MPDZ: variants seen among roughly 807,000 people sequenced by gnomAD.
The protein encoded by MPDZ is multiple PDZ domain protein.
A neutral mutation model predicts 239.1 loss-of-function variants in MPDZ; 234 were observed. That is an observed-to-expected ratio of 0.98 (90% CI 0.88 to 1.09). The LOEUF is 1.09. Among genes scored for constraint, MPDZ ranks in the 50% least tolerant of loss-of-function variants. The pLI, the probability that MPDZ is intolerant of heterozygous loss-of-function variation, is 0.00. For synonymous variants in MPDZ, 1,048 were observed against 881.3 expected (o/e 1.19, Z -3.35); for missense variants, 3,175 against 2,510.0 (o/e 1.26, Z -5.66).
rs187122785 is a variant in MPDZ, at chr9:13,238,359, C to T, written c.183+9276G>A. ...ACAGTGGGGTGACCAGCCTTCCCCTCGAACCGTGTAAACAACATCACACCT... is the reference window on the plus strand; with the variant it reads ...ACAGTGGGGTGACCAGCCTTCCCCTTGAACCGTGTAAACAACATCACACCT... On this transcript the variant is annotated intron_variant, in intron 3 of 46. Coordinates refer to ENST00000319217, the MANE Select transcript of MPDZ (RefSeq NM_001378778.1). Among the ~76,000 whole-genome samples, 331 of 152,258 alleles carry T rather than the reference C, an allele frequency of 2.2e-3. 3 individuals are homozygous for T. Among genetic ancestry groups the T allele is most frequent in the African/African-American group, 7.6e-3 (315 of 41,562 alleles).
intron 19 of MPDZ, among the ~76,000 whole-genome samples, chr9:13,181,264 T>C (rs1377874330): frequency 6.6e-6 from 1 of 152,178 alleles, no homozygotes; most frequent in African/African-American, 2.4e-5. Context: ...CTTTATAAAT[T>C]AAAAAGCCTT....
chr9:13,203,157 G>A (rs531757331), intron 12 of MPDZ, among the ~76,000 whole-genome samples: 6 of 152,172 alleles, frequency 3.9e-5, no homozygotes, highest in African/African-American at 1.4e-4. Flanking sequence ...ATTATTATAG[G>A]TCAATTAAAA....
chr9:13,228,647 AGC>A (rs1479039797), intron 3 of MPDZ, among the ~76,000 whole-genome samples: 2 of 152,152 alleles, frequency 1.3e-5, no homozygotes, highest in African/African-American at 2.4e-5. Context: ...CATAGCCATT[AGC>A]CATTGGTGTG....
intron 3 of MPDZ, among the ~76,000 whole-genome samples, chr9:13,232,584 T>C (rs1450278625): frequency 2.0e-5 from 3 of 151,846 alleles, no homozygotes; most frequent in African/African-American, 7.2e-5. Flanking sequence ...AGAAAATCTC[T>C]GTATTTTAGA....
intron 26 of MPDZ, among the ~76,000 whole-genome samples, chr9:13,143,863 A>G (rs1232464960): frequency 6.6e-6 from 1 of 152,152 alleles, no homozygotes; most frequent in African/African-American, 2.4e-5. Context: ...AGAGGCACAT[A>G]TATTTTGCCC....
intron 27 of MPDZ, among the ~76,000 whole-genome samples, chr9:13,141,798 T>TA (rs1947734296): frequency 6.6e-6 from 1 of 152,130 alleles, no homozygotes; most frequent in Non-Finnish European, 1.5e-5. Context: ...CGCTGACTGA[T>TA]AGAGATTTAA....
chr9:13,161,374 A>T (rs1163579454), intron 23 of MPDZ, among the ~76,000 whole-genome samples: 6 of 152,068 alleles, frequency 3.9e-5, no homozygotes, highest in African/African-American at 1.4e-4. Flanking sequence ...GTTCAAGACC[A>T]GCCTGGCCAA....
intron 3 of MPDZ, among the ~76,000 whole-genome samples, chr9:13,236,276 T>TATATATATATACA (rs1964013619): frequency 2.8e-5 from 1 of 36,348 alleles, no homozygotes; most frequent in Non-Finnish European, 6.6e-5. Context: ...TATTTTTTTT[T>TATATATATATACA]TTTTTTTTTT....
intron 8 of MPDZ, among the ~76,000 whole-genome samples, chr9:13,218,392 G>A (rs937313542): frequency 2.0e-5 from 3 of 151,824 alleles, no homozygotes; most frequent in Non-Finnish European, 4.4e-5. Flanking sequence ...CAGAAATGAT[G>A]ATATGCACAG....
At chr9:13,151,766 C>G (rs966643566) in intron 24 of MPDZ, among the ~76,000 whole-genome samples, 1 of 151,980 alleles carries the variant, frequency 6.6e-6, no homozygotes, top group South Asian at 2.1e-4. Flanking sequence ...CTGAACTGTA[C>G]ACTTACAAAT....
intron 16 of MPDZ, among the ~76,000 whole-genome samples, chr9:13,189,313 C>T (rs1954581079): frequency 6.6e-6 from 1 of 151,598 alleles, no homozygotes; most frequent in Non-Finnish European, 1.5e-5. Flanking sequence ...TTATTGGAGG[C>T]CAGATGTTGG....
At chr9:13,207,337 G>C (rs868637355) in intron 10 of MPDZ, among the ~76,000 whole-genome samples, 6 of 152,142 alleles carry the variant, frequency 3.9e-5, no homozygotes, top group Middle Eastern at 3.4e-3. Flanking sequence ...ACGTGGCTTA[G>C]AATGGCCTGT....
intron 42 of MPDZ, among the ~76,000 whole-genome samples, chr9:13,112,554 C>A (rs1187266224): frequency 6.6e-6 from 1 of 152,118 alleles, no homozygotes; most frequent in East Asian, 1.9e-4. Flanking sequence ...GACAACAGTG[C>A]CTCTCACAGA....
At chr9:13,176,450 G>A in intron 19 of MPDZ, 33 bp from the exon 20 acceptor site, 1 of 1,477,664 alleles carries the variant, frequency 6.8e-7, no homozygotes, top group South Asian at 1.5e-5. Flanking sequence ...AACAAAACAT[G>A]AAAAATGTGA....
chr9:13,193,095 C>T (rs1203156191), intron 14 of MPDZ, 72 bp downstream of exon 14: 3 of 1,302,052 alleles, frequency 2.3e-6, no homozygotes, highest in South Asian at 2.7e-5. Context: ...AGAATTTATT[C>T]ACCACATTAA....
intron 12 of MPDZ, among the ~76,000 whole-genome samples, chr9:13,200,830 T>C (rs1296959443): frequency 6.6e-6 from 1 of 152,036 alleles, no homozygotes; most frequent in Non-Finnish European, 1.5e-5. Flanking sequence ...TGTGACCTAA[T>C]ATATGGTCTA....
At chr9:13,268,085 C>G (rs1972151354) in intron 1 of MPDZ, among the ~76,000 whole-genome samples, 1 of 151,826 alleles carries the variant, frequency 6.6e-6, no homozygotes, top group Admixed American at 6.6e-5. Flanking sequence ...TTATTAGCAA[C>G]AGTATTAGCA....
At chr9:13,272,386 C>G (rs895754079) in intron 1 of MPDZ, among the ~76,000 whole-genome samples, 1 of 151,970 alleles carries the variant, frequency 6.6e-6, no homozygotes, top group Non-Finnish European at 1.5e-5. Context: ...TAGTCTAACC[C>G]GATATATATT....
At chr9:13,232,881 A>T (rs1172206087) in intron 3 of MPDZ, among the ~76,000 whole-genome samples, 1 of 151,304 alleles carries the variant, frequency 6.6e-6, no homozygotes, top group Non-Finnish European at 1.5e-5. Context: ...AAAAAAAAAA[A>T]ACCAGGAACT....
Sources: gnomAD v4.1 joint callset for allele counts (sites outside exome capture counted in the v4.1 genomes callset) on GRCh38, gnomAD v4.1.1 for gene constraint, MANE v1.5 for transcripts, NCBI Gene and HGNC (gene_info 2026-07-23, HGNC 2026-07-21) for gene names.